SLC35F1: variants seen among roughly 807,000 people sequenced by gnomAD.
The protein encoded by SLC35F1 is chromosome 6 open reading frame 169.
In SLC35F1, 14 loss-of-function variants were observed where a neutral mutation model predicts 48.7. That is an observed-to-expected ratio of 0.29 (90% CI 0.19 to 0.45). The LOEUF (loss-of-function observed/expected upper bound fraction) is 0.45. Among genes scored for constraint, SLC35F1 ranks in the 20% least tolerant of loss-of-function variants. SLC35F1 has a pLI of 1.00. For missense variants in SLC35F1, 404 were observed against 500.0 expected, an observed-to-expected ratio of 0.81 and a Z score of 1.83; for synonymous variants, 190 against 202.2, an observed-to-expected ratio of 0.94 and a Z score of 0.51.
At chr6:117,977,175 A>ATTTCTC (rs1350366920) in intron 1 of SLC35F1, among the ~76,000 whole-genome samples, 1 of 150,142 alleles carries the variant, frequency 6.7e-6, no homozygotes, top group African/African-American at 2.4e-5. Flanking sequence ...AAAGAACATG[A>ATTTCTC]TTTTTCTTTT....
At chr6:118,247,322 G>A (rs149446540) in intron 3 of SLC35F1, among the ~76,000 whole-genome samples, 3 of 152,234 alleles carry the variant, frequency 2.0e-5, no homozygotes, top group South Asian at 2.1e-4. Context: ...CCAGTCAATA[G>A]AGGTGAACTC....
chr6:118,163,984 A>G (rs1168204430), intron 2 of SLC35F1, among the ~76,000 whole-genome samples: 1 of 152,238 alleles, frequency 6.6e-6, no homozygotes, highest in Non-Finnish European at 1.5e-5. Context: ...TGAAGCAAAC[A>G]GTTTTTTTTG....
chr6:118,032,363 G>T (rs1233570301), intron 1 of SLC35F1, among the ~76,000 whole-genome samples: 1 of 152,114 alleles, frequency 6.6e-6, no homozygotes, highest in Non-Finnish European at 1.5e-5. Flanking sequence ...AATTTAGTTA[G>T]TGTATTCATT....
At chr6:118,043,850 G>T (rs1772262650) in intron 1 of SLC35F1, among the ~76,000 whole-genome samples, 1 of 152,168 alleles carries the variant, frequency 6.6e-6, no homozygotes, top group African/African-American at 2.4e-5. Context: ...TAAATAAATT[G>T]TTTTTCTCTC....
chr6:118,254,855 C>T (rs767743459), intron 3 of SLC35F1, among the ~76,000 whole-genome samples: 16 of 152,276 alleles, frequency 1.1e-4, no homozygotes, highest in South Asian at 2.1e-4. Flanking sequence ...TAGAGTTTGG[C>T]TGACTTAAGA....
In SLC35F1 at chr6:117,923,618, T is replaced by TAC. The variant is rs1215141901; in HGVS notation, c.173+15719_173+15720insAC. On this transcript the variant is annotated intron_variant, in intron 1 of 7. Transcript: ENST00000360388. ...ATATGTGTATATATACATATACATA[T>TAC]GTATATATACATATATGTACATATG... Among the ~76,000 whole-genome samples, 6 of 26,052 alleles carry TAC rather than the reference T, an allele frequency of 2.3e-4. 2 individuals carry two copies. The highest frequency in any genetic ancestry group is 6.2e-5 in the Non-Finnish European group (1 of 16,106). 17.1% of individuals were successfully genotyped at this position (26,052 alleles called of 152,430 possible). A position where few individuals can be genotyped will look rare whatever the true frequency, so the allele number is the denominator to read the frequency against.
At position 118,141,210 on chromosome 6, in the gene SLC35F1, GT is replaced by G. The variant is rs541477574; in HGVS notation, c.174-13229del. 5.6e-4 allele frequency among the ~76,000 whole-genome samples: 85 copies of G among 152,130 alleles called. 1 individual carries two copies. Among genetic ancestry groups the G allele is most frequent in the African/African-American group, 2.0e-3 (82 of 41,490 alleles). ...CCCTATACAGGTGTACCATTTTTCTGTTTTTTATACCATATTTTCACTGTAC... is the reference window on the plus strand; with the variant it reads ...CCCTATACAGGTGTACCATTTTTCTGTTTTTATACCATATTTTCACTGTAC... On this transcript the variant is annotated intron_variant, in intron 1 of 7. Transcript: ENST00000360388.
At chr6:118,082,097 G>A (rs1331888055) in intron 1 of SLC35F1, among the ~76,000 whole-genome samples, 1 of 152,216 alleles carries the variant, frequency 6.6e-6, no homozygotes, top group East Asian at 1.9e-4. Flanking sequence ...GACTGCATAT[G>A]AAATGCTTAC....
intron 1 of SLC35F1, among the ~76,000 whole-genome samples, chr6:117,968,138 T>C (rs1378283155): frequency 6.6e-6 from 1 of 152,210 alleles, no homozygotes; most frequent in East Asian, 1.9e-4. Flanking sequence ...CAGAAATGCA[T>C]TCGTGTTCAG....
rs60522870 is a variant in SLC35F1 at position 117,954,277 on chromosome 6, C to T, written c.173+46378C>T. Among the ~76,000 whole-genome samples, 628 of 151,572 alleles carry T rather than the reference C, an allele frequency of 4.1e-3. 2 individuals carry two copies. The highest frequency in any genetic ancestry group is 0.014 in the African/African-American group (591 of 41,320). On this transcript the variant is annotated intron_variant, in intron 1 of 7. Transcript: ENST00000360388. ...TTTTTCTTTTTCTTTTTTTTTGAGA[C>T]GGAGTTTCGCTCTTGTTGCCCAGGC...
At chr6:118,068,088 C>T (rs1772643180) in intron 1 of SLC35F1, among the ~76,000 whole-genome samples, 1 of 152,108 alleles carries the variant, frequency 6.6e-6, no homozygotes, top group South Asian at 2.1e-4. Context: ...GTTCTCCTAG[C>T]TCCAGAAGAG....
chr6:118,280,586 C>A (rs1303069116), intron 6 of SLC35F1, among the ~76,000 whole-genome samples: 1 of 152,092 alleles, frequency 6.6e-6, no homozygotes, highest in Non-Finnish European at 1.5e-5. Flanking sequence ...ATTAAGAATA[C>A]ACCTTTCCTG....
chr6:118,050,499 G>A (rs1264489061), intron 1 of SLC35F1, among the ~76,000 whole-genome samples: 1 of 152,020 alleles, frequency 6.6e-6, no homozygotes, highest in African/African-American at 2.4e-5. Flanking sequence ...TTGACTGTGA[G>A]AAAGAGGCAC....
intron 1 of SLC35F1, among the ~76,000 whole-genome samples, chr6:118,075,775 G>A (rs985844407): frequency 6.6e-6 from 1 of 152,092 alleles, no homozygotes; most frequent in Non-Finnish European, 1.5e-5. Context: ...TGTGGTAAAG[G>A]GAATGATCTT....
At chr6:118,066,194 T>C (rs1432738875) in intron 1 of SLC35F1, among the ~76,000 whole-genome samples, 1 of 152,200 alleles carries the variant, frequency 6.6e-6, no homozygotes, top group Non-Finnish European at 1.5e-5. Flanking sequence ...GGAATTTGGC[T>C]TATTTCTAAT....
At chr6:118,118,167 C>T (rs773951322) in intron 1 of SLC35F1, among the ~76,000 whole-genome samples, 4 of 152,098 alleles carry the variant, frequency 2.6e-5, no homozygotes, top group African/African-American at 4.8e-5. Flanking sequence ...AGTGTCAATA[C>T]CATCTTGCAT....
intron 3 of SLC35F1, among the ~76,000 whole-genome samples, chr6:118,262,921 T>A (rs1184671054): frequency 6.6e-6 from 1 of 152,174 alleles, no homozygotes; most frequent in Non-Finnish European, 1.5e-5. Flanking sequence ...ACCCCATCTC[T>A]ATTTAGAAAA....
At chr6:118,256,432 GCCTC>G (rs1775647661) in intron 3 of SLC35F1, among the ~76,000 whole-genome samples, 1 of 152,112 alleles carries the variant, frequency 6.6e-6, no homozygotes, top group African/African-American at 2.4e-5. Flanking sequence ...CTCAGGTTTA[GCCTC>G]TGACAGCTGG....
intron 1 of SLC35F1, among the ~76,000 whole-genome samples, chr6:117,974,930 T>C (rs1451854740): frequency 6.6e-6 from 1 of 152,228 alleles, no homozygotes; most frequent in Non-Finnish European, 1.5e-5. Flanking sequence ...AAACTTGCAT[T>C]GTATACTTGT....
Sources: gnomAD v4.1 joint callset for allele counts (sites outside exome capture counted in the v4.1 genomes callset) on GRCh38, gnomAD v4.1.1 for gene constraint, MANE v1.5 for transcripts, NCBI Gene and HGNC (gene_info 2026-07-23, HGNC 2026-07-21) for gene names.